The following TNRC18 variants were observed in gnomAD, a reference collection of about 807,000 sequenced individuals.
The protein encoded by TNRC18 is trinucleotide repeat containing 18.
In TNRC18, 69 loss-of-function variants were observed where a neutral mutation model predicts 226.7. That is an observed-to-expected ratio of 0.30 (90% confidence interval 0.25 to 0.37). TNRC18 has a LOEUF of 0.37. Among genes scored for constraint, TNRC18 ranks in the 10% least tolerant of loss-of-function variants. The probability of loss-of-function intolerance (pLI) is 1.00; values close to 1 mark genes in which losing one functional copy is unlikely to be tolerated. For missense variants in TNRC18, 4,754 were observed against 4,256.6 expected (o/e 1.12, Z -3.25); for synonymous variants, 2,449 against 1,927.6 (o/e 1.27, Z -7.09).
Position 5,371,330 on chromosome 7 carries a change from T to A in TNRC18, c.3264A>T (p.Pro1088=), listed in dbSNP as rs745451918. 1 of 1,527,448 alleles carries A rather than the reference T, an allele frequency of 6.5e-7. No individual in the cohort carries two copies. The highest frequency in any genetic ancestry group is 1.4e-5 in the African/African-American group (1 of 72,390). 94.6% of individuals were successfully genotyped at this position (1,527,448 alleles called of 1,614,324 possible). The change falls in exon 11 of 30, where the codon CCA becomes CCT. Residue 1088 remains proline (P), a synonymous_variant. Coordinates refer to ENST00000430969, the MANE Select transcript of TNRC18 (RefSeq NM_001080495.3). ...IPPRYPFQAL[P]PHYGRPYPFL... is the part of the protein sequence containing the mutation. ...AAGGGTAGGGCCTCCCGTAGTGCGG[T>A]GGCAGGGCTTGGAACGGGTACCTGG...
chr7:5,373,655 G>GC (rs1458044277), intron 10 of TNRC18, among the ~76,000 whole-genome samples: 1 of 152,166 alleles, frequency 6.6e-6, no homozygotes, highest in East Asian at 1.9e-4. Flanking sequence ...GCAGAAGACG[G>GC]CAAGAGCGGG....
intron 11 of TNRC18, among the ~76,000 whole-genome samples, chr7:5,369,615 G>A (rs1171419391): frequency 2.6e-5 from 4 of 152,146 alleles, no homozygotes; most frequent in Non-Finnish European, 5.9e-5. Context: ...CAGAGAGAGA[G>A]AGACTAGGGA....
intron 2 of TNRC18, among the ~76,000 whole-genome samples, chr7:5,412,548 C>T (rs1781912131): frequency 6.6e-6 from 1 of 151,788 alleles, no homozygotes; most frequent in South Asian, 2.1e-4. Context: ...CGCACCCCAG[C>T]CTGGGAGACA....
chr7:5,345,233 G>A (rs1462824512), intron 18 of TNRC18, among the ~76,000 whole-genome samples: 3 of 152,176 alleles, frequency 2.0e-5, no homozygotes, highest in Non-Finnish European at 2.9e-5. Context: ...ACCTGGAGTG[G>A]CCCCCACAAA....
At chr7:5,351,147 A>G (rs1390152826) in intron 17 of TNRC18, among the ~76,000 whole-genome samples, 1 of 152,066 alleles carries the variant, frequency 6.6e-6, no homozygotes, top group African/African-American at 2.4e-5. Flanking sequence ...TAACACAGGC[A>G]AGCGGCAGGC....
intron 2 of TNRC18, among the ~76,000 whole-genome samples, chr7:5,402,121 G>A (rs146269436): frequency 0.011 from 1,609 of 148,640 alleles, 27 homozygotes; most frequent in African/African-American, 0.038. Context: ...GGAGCATGCC[G>A]TGAGCTGAGA....
intron 18 of TNRC18, 45 bp downstream of exon 18, chr7:5,345,517 G>GGGGGGGGCA: frequency 2.6e-6 from 1 of 377,744 alleles, no homozygotes; most frequent in Admixed American, 4.8e-5. Flanking sequence ...AATGGCGTCC[G>GGGGGGGGCA]CCCCTCCCAC....
intron 10 of TNRC18, among the ~76,000 whole-genome samples, 177 bp from the exon 11 acceptor site, chr7:5,371,541 C>T (rs372899916): frequency 2.6e-5 from 4 of 152,186 alleles, no homozygotes; most frequent in African/African-American, 9.7e-5. Context: ...CATGCAGTGG[C>T]CCCAAAGTGA....
chr7:5,346,879 G>T (rs994539408), intron 17 of TNRC18, among the ~76,000 whole-genome samples: 2 of 152,198 alleles, frequency 1.3e-5, no homozygotes. Flanking sequence ...GGCCACCCCC[G>T]TGACTTGCAG....
chr7:5,307,973 C>T lies in TNRC18; in HGVS notation c.*133G>A, dbSNP rs1786726440. 4 of 798,330 alleles carry T rather than the reference C, an allele frequency of 5.0e-6. No homozygotes were observed. The South Asian group carries it at 6.8e-5, about 14-fold the overall frequency. 49.5% of individuals were successfully genotyped at this position (798,330 alleles called of 1,614,324 possible). On this transcript the variant is annotated 3_prime_UTR_variant, in exon 30 of 30. Coordinates refer to ENST00000430969, the MANE Select transcript of TNRC18 (RefSeq NM_001080495.3). ...ACACTCACCCGGGCATCCACGTGCA[C>T]ACCTGGCCCCATGCACACGCCTGCA...
At chr7:5,395,284 G>T (rs56333430) in intron 2 of TNRC18, among the ~76,000 whole-genome samples, 10 of 152,020 alleles carry the variant, frequency 6.6e-5, no homozygotes, top group Non-Finnish European at 1.0e-4. Context: ...AGCGGCAGGC[G>T]TGGGGGCCGC....
chr7:5,376,524 G>A (rs1794695685), intron 8 of TNRC18, among the ~76,000 whole-genome samples: 1 of 152,208 alleles, frequency 6.6e-6, no homozygotes, highest in Admixed American at 6.5e-5. Context: ...GAGGACCTAG[G>A]GAACGCCTTC....
In TNRC18 at chr7:5,389,059, G is replaced by T; in HGVS notation, c.765C>A (p.Pro255=). The T allele has an allele frequency of 1.6e-6, 2 of 1,285,448 alleles. No individual in the cohort carries two copies. The highest frequency in any genetic ancestry group is 2.0e-6 in the Non-Finnish European group (2 of 1,007,938). The allele number at this position is 1,285,448 out of a possible 1,614,324, so 79.6% of individuals were successfully genotyped here. ...GCGACAGGCGCTCAGCCAGGCGCGGGGGCCCCCGGTCCTGGCGGCCCTCGG... is the reference window on the plus strand; with the variant it reads ...GCGACAGGCGCTCAGCCAGGCGCGGTGGCCCCCGGTCCTGGCGGCCCTCGG... ...ARAEGRQDRG[P]PRLAERLSPF... The change falls in exon 5 of 30, where the codon CCC becomes CCA. Residue 255 remains proline, a synonymous_variant. Coordinates refer to ENST00000430969, the MANE Select transcript of TNRC18 (RefSeq NM_001080495.3).
chr7:5,390,832 G>A (rs1452506511), intron 3 of TNRC18, among the ~76,000 whole-genome samples: 4 of 151,998 alleles, frequency 2.6e-5, no homozygotes, highest in Non-Finnish European at 5.9e-5. Flanking sequence ...CCTCACGGGG[G>A]ACTGGGGTCT....
chr7:5,370,746 G>A lies in TNRC18; in HGVS notation c.3848C>T (p.Ala1283Val). 6.2e-7 allele frequency: 1 copy of A among 1,604,028 alleles called. No homozygotes were observed. The highest frequency in any genetic ancestry group is 8.5e-7 in the Non-Finnish European group (1 of 1,176,128). The change falls in exon 11 of 30, where the codon GCA (alanine) becomes GTA (valine). Residue 1283 changes from alanine to valine, a missense_variant. Transcript: ENST00000430969. ...TAGGGTGGGCTGGGACTCGCTCGGTGCCACCTGCGCCAGGCCTTCCTCGGG... is the reference window on the plus strand; with the variant it reads ...TAGGGTGGGCTGGGACTCGCTCGGTACCACCTGCGCCAGGCCTTCCTCGGG... Reference protein sequence around the residue: ...AVPEEGLAQVAPSESQPTLEM... With the variant: ...AVPEEGLAQVVPSESQPTLEM...
At chr7:5,401,643 T>C (rs192746174) in intron 2 of TNRC18, among the ~76,000 whole-genome samples, 199 of 152,332 alleles carry the variant, frequency 1.3e-3, no homozygotes, top group South Asian at 6.0e-3. Context: ...CAGTAAACGA[T>C]TGGGCGTTGC....
chr7:5,362,333 A>C (rs1421880798), intron 12 of TNRC18, among the ~76,000 whole-genome samples: 2 of 152,180 alleles, frequency 1.3e-5, no homozygotes, highest in Non-Finnish European at 2.9e-5. Context: ...AGGCTCAGCA[A>C]GGGGATGCTG....
At chr7:5,352,197 G>A in intron 16 of TNRC18, 103 bp from the exon 17 acceptor site, 2 of 1,240,978 alleles carry the variant, frequency 1.6e-6, no homozygotes, top group Non-Finnish European at 2.2e-6. Context: ...GAAGGTGCCA[G>A]AACAAACAGG....
intron 4 of TNRC18, 135 bp from the exon 5 acceptor site, chr7:5,389,471 T>TTTTTTTTTTTTTTTTTTTCC: frequency 1.1e-6 from 1 of 923,910 alleles, no homozygotes; most frequent in African/African-American, 1.9e-5. Flanking sequence ...GTTTTTTTTT[T>TTTTTTTTTTTTTTTTTTTCC]CAGAAAGAGT....
Sources: allele counts gnomAD v4.1 joint callset (sites outside exome capture counted in the v4.1 genomes callset), GRCh38; gene constraint gnomAD v4.1.1; transcripts MANE v1.5; gene names NCBI Gene and HGNC (gene_info 2026-07-23, HGNC 2026-07-21).